The following NINL variants were observed in gnomAD, a reference collection of about 807,000 sequenced individuals.
NINL encodes the protein ninein like, also known as ninein-like protein.
NINL carries 153 observed loss-of-function variants against 160.3 expected under a neutral mutation model. That is an observed-to-expected ratio of 0.95 (90% CI 0.84 to 1.09). NINL has a LOEUF of 1.09. NINL is among the 50% of genes least tolerant of loss of function. The pLI is 0.00. For synonymous variants in NINL, 800 were observed against 734.8 expected (o/e 1.09, Z -1.43); for missense variants, 1,829 against 1,764.0 (o/e 1.04, Z -0.66).
intron 1 of NINL, among the ~76,000 whole-genome samples, chr20:25,528,423 T>G (rs1235521320): frequency 1.3e-5 from 2 of 152,190 alleles, no homozygotes; most frequent in Non-Finnish European, 2.9e-5. Context: ...ATCTACTTAC[T>G]GGTCACTTTA....
At chr20:25,555,263 C>T (rs2064852720) in intron 1 of NINL, among the ~76,000 whole-genome samples, 1 of 152,184 alleles carries the variant, frequency 6.6e-6, no homozygotes, top group Admixed American at 6.5e-5. Flanking sequence ...GGCACCTCTT[C>T]CGTAACGTAC....
chr20:25,462,874 C>T (rs447722), intron 19 of NINL: 95,601 of 213,200 alleles, frequency 0.45, 22,600 homozygotes, highest in East Asian at 0.92. Context: ...AAGCTGGTCC[C>T]GAACTCCTAG....
chr20:25,536,316 C>A (rs1317546329), intron 1 of NINL, among the ~76,000 whole-genome samples: 1 of 152,202 alleles, frequency 6.6e-6, no homozygotes, highest in Non-Finnish European at 1.5e-5. Context: ...CCAACCCCAA[C>A]AGACTGCTGT....
intron 1 of NINL, among the ~76,000 whole-genome samples, chr20:25,534,910 A>G (rs1480698283): frequency 6.6e-6 from 1 of 152,202 alleles, no homozygotes; most frequent in Non-Finnish European, 1.5e-5. Flanking sequence ...GTTATACCAT[A>G]TTGTTTAGGG....
At position 25,467,428 on chromosome 20, in the gene NINL, C is replaced by T. The variant is rs780797540; in HGVS notation, c.3384G>A (p.Lys1128=). 4 of 1,614,106 alleles carry T rather than the reference C, an allele frequency of 2.5e-6. No homozygotes were observed. The stretch of plus-strand genomic sequence containing the variant: ...CCTCCATCTCAGAGCAGGCCTTTTC[C>T]TTGTCTTTCTTTAAAACCTCAATTT... ...RKEIEVLKKD[K]EKACSEMEVL... is the part of the protein sequence containing the mutation. The change falls in exon 19 of 24, where the codon AAG becomes AAA. Residue 1128 remains lysine, a synonymous_variant. Coordinates refer to ENST00000278886, the MANE Select transcript of NINL (RefSeq NM_025176.6).
intron 1 of NINL, chr20:25,540,179 C>T: frequency 2.5e-6 from 1 of 400,740 alleles, no homozygotes; most frequent in South Asian, 1.7e-5. Flanking sequence ...GGCAATATTC[C>T]AGATAAAAAG....
intron 21 of NINL, among the ~76,000 whole-genome samples, chr20:25,459,686 C>T (rs1334436482): frequency 1.3e-5 from 2 of 152,120 alleles, no homozygotes; most frequent in East Asian, 1.9e-4. Context: ...CTGCACCACC[C>T]CCCACAGCCA....
At position 25,476,484 on chromosome 20, in the gene NINL, G is replaced by C. The variant is rs765163952; in HGVS notation, c.2807C>G (p.Pro936Arg). ...FGASAAGLEQ[P>R]GARELPLLGT... ...CAGCAGAGGCAGCTCCCGGGCTCCA[G>C]GCTGCTCCAGCCCCGCTGCGCTCGC... Residue 936 changes from proline (P) to arginine (R), a missense_variant, in exon 17 of 24, where the codon CCT becomes CGT. Transcript: ENST00000278886. 2 of 1,605,586 alleles carry C rather than the reference G, an allele frequency of 1.2e-6. No homozygotes were observed. Among genetic ancestry groups the C allele is most frequent in the South Asian group, 2.2e-5 (2 of 91,076 alleles).
intron 8 of NINL, among the ~76,000 whole-genome samples, 182 bp from the exon 9 acceptor site, chr20:25,498,528 G>A (rs2063804977): frequency 6.6e-6 from 1 of 152,186 alleles, no homozygotes; most frequent in Non-Finnish European, 1.5e-5. Flanking sequence ...ACGCAACTCT[G>A]GTGGGCTGTC....
intron 2 of NINL, among the ~76,000 whole-genome samples, chr20:25,518,520 C>A (rs1601204527): frequency 6.6e-6 from 1 of 152,332 alleles, no homozygotes; most frequent in African/African-American, 2.4e-5. Context: ...AAAGTATTTA[C>A]ATGATATTAT....
chr20:25,477,972 C>T (rs528544278), intron 16 of NINL, among the ~76,000 whole-genome samples: 25 of 142,680 alleles, frequency 1.8e-4, no homozygotes, highest in Admixed American at 4.3e-4. Flanking sequence ...TTTTTTTAGA[C>T]GAGTCTCACT....
intron 21 of NINL, among the ~76,000 whole-genome samples, chr20:25,461,084 C>A (rs1177106495): frequency 6.6e-6 from 1 of 152,216 alleles, no homozygotes; most frequent in Admixed American, 6.5e-5. Flanking sequence ...TGTGTCTGCA[C>A]CTCCCGCGCC....
intron 1 of NINL, among the ~76,000 whole-genome samples, chr20:25,565,855 G>A (rs2064993726): frequency 6.6e-6 from 1 of 152,158 alleles, no homozygotes; most frequent in South Asian, 2.1e-4. Flanking sequence ...GAGCTGCCAT[G>A]CACTCTTCCT....
In NINL at chr20:25,476,306, C is replaced by T. The variant is rs953846112; in HGVS notation, c.2985G>A (p.Ser995=). The change falls in exon 17 of 24, where the codon TCG becomes TCA. Residue 995 remains serine (S), a synonymous_variant. Coordinates refer to ENST00000278886, the MANE Select transcript of NINL (RefSeq NM_025176.6). ...CGCCCTCGGCCCGGGCCTGCTGCTC[C>T]GAGGCCTGCTCCTGGGTGCCCCTGC... ...SWSRGTQEQA[S]EQQARAEGAL... The T allele has an allele frequency of 8.2e-5, 133 of 1,613,140 alleles. No individual in the cohort carries two copies. The highest frequency in any genetic ancestry group is 1.0e-4 in the Non-Finnish European group (122 of 1,179,950).
chr20:25,474,512 C>A (rs988069184), intron 17 of NINL, among the ~76,000 whole-genome samples: 15 of 152,128 alleles, frequency 9.9e-5, no homozygotes, highest in Non-Finnish European at 1.8e-4. Flanking sequence ...GCTAGATGTG[C>A]GTTCCTAAGA....
At position 25,496,599 on chromosome 20, in the gene NINL, T is replaced by C. The variant is rs1435901562; in HGVS notation, c.1310+64A>G. On this transcript the variant is annotated intron_variant, in intron 10 of 23. Coordinates refer to ENST00000278886, the MANE Select transcript of NINL (RefSeq NM_025176.6). The stretch of plus-strand genomic sequence containing the variant: ...TGGCCCCTGGCAGCCCTGTGTCCAC[T>C]ACCTGCCCTCAAAGGGGCTGGGGAG... 3 of 1,586,356 alleles carry C rather than the reference T, an allele frequency of 1.9e-6. No homozygotes were observed. In the African/African-American group the frequency reaches 4.0e-5, roughly 21 times the overall value.
At chr20:25,482,961 T>C (rs1293631007) in intron 13 of NINL, among the ~76,000 whole-genome samples, 2 of 150,106 alleles carry the variant, frequency 1.3e-5, no homozygotes, top group Admixed American at 6.6e-5. Context: ...GAGGCAGAGA[T>C]TGCAGTGAGC....
chr20:25,497,336 T>C (rs964900076), intron 9 of NINL, among the ~76,000 whole-genome samples: 6 of 152,200 alleles, frequency 3.9e-5, no homozygotes, highest in African/African-American at 9.7e-5. Flanking sequence ...GTGTAAATCA[T>C]TGGTGGCACC....
chr20:25,482,939 G>T (rs924532032), intron 13 of NINL, among the ~76,000 whole-genome samples: 1 of 150,952 alleles, frequency 6.6e-6, no homozygotes. Context: ...CAGGAGAGTC[G>T]CTTGAACCCA....
Sources: gnomAD v4.1 joint callset for allele counts (sites outside exome capture counted in the v4.1 genomes callset) on GRCh38, gnomAD v4.1.1 for gene constraint, MANE v1.5 for transcripts, NCBI Gene and HGNC (gene_info 2026-07-23, HGNC 2026-07-21) for gene names.